PCDH15: variants seen among roughly 807,000 people sequenced by gnomAD.
PCDH15 encodes protocadherin-15.
In PCDH15, 129 loss-of-function variants were observed where a neutral mutation model predicts 178.5. That is an observed-to-expected ratio of 0.72 (90% CI 0.63 to 0.84). The LOEUF (loss-of-function observed/expected upper bound fraction) is 0.84, where lower values mean the gene tolerates loss of function less well. PCDH15 is among the 40% of genes least tolerant of loss of function. The probability of loss-of-function intolerance (pLI) is 0.00; values close to 1 mark genes in which losing one functional copy is unlikely to be tolerated. For synonymous variants in PCDH15, 800 were observed against 732.0 expected (o/e 1.09, Z -1.50); for missense variants, 2,230 against 2,099.9 (o/e 1.06, Z -1.21).
intron 25 of PCDH15, among the ~76,000 whole-genome samples, chr10:53,922,875 C>G (rs946792922): frequency 1.3e-5 from 2 of 151,972 alleles, no homozygotes; most frequent in Non-Finnish European, 2.9e-5. Flanking sequence ...ATCACGAGGT[C>G]GGGAGATCGA....
intron 1 of PCDH15, among the ~76,000 whole-genome samples, chr10:54,792,211 A>G (rs1951484627): frequency 1.3e-5 from 2 of 151,966 alleles, no homozygotes. Context: ...GTCTAAAAAC[A>G]GAAAAAGTTT....
chr10:54,520,669 A>G (rs2082754800), intron 3 of PCDH15, among the ~76,000 whole-genome samples: 4 of 151,582 alleles, frequency 2.6e-5, no homozygotes, highest in Admixed American at 1.3e-4. Context: ...TTCCTCAGGG[A>G]TCTAGAACTA....
intron 3 of PCDH15, among the ~76,000 whole-genome samples, chr10:54,816,681 T>C (rs554363728): frequency 6.6e-6 from 1 of 152,238 alleles, no homozygotes; most frequent in South Asian, 2.1e-4. Context: ...TAAATAAATT[T>C]GAATGTTTCA....
chr10:55,214,442 C>G (rs758535668), intron 1 of PCDH15, among the ~76,000 whole-genome samples: 1 of 151,630 alleles, frequency 6.6e-6, no homozygotes, highest in Non-Finnish European at 1.5e-5. Context: ...TATTTAGACA[C>G]GCACAAGTTT....
intron 2 of PCDH15, among the ~76,000 whole-genome samples, chr10:54,626,698 A>G (rs960069113): frequency 6.6e-6 from 1 of 152,090 alleles, no homozygotes; most frequent in African/African-American, 2.4e-5. Flanking sequence ...GCAGAAGGGA[A>G]ATGTGGGGTT....
At chr10:53,820,412 T>C (rs922585474) in intron 32 of PCDH15, among the ~76,000 whole-genome samples, 182 bp from the exon 33 acceptor site, 1 of 152,026 alleles carries the variant, frequency 6.6e-6, no homozygotes, top group Admixed American at 6.6e-5. Flanking sequence ...TGAAGAAATA[T>C]GAGGGATGAA....
At chr10:54,996,508 G>A (rs944009160) in intron 2 of PCDH15, among the ~76,000 whole-genome samples, 5 of 152,212 alleles carry the variant, frequency 3.3e-5, no homozygotes, top group African/African-American at 7.2e-5. Context: ...ATGTAGTCAC[G>A]GGAGGTCAGT....
intron 3 of PCDH15, among the ~76,000 whole-genome samples, chr10:54,871,366 C>T (rs1954036939): frequency 6.8e-6 from 1 of 147,060 alleles, no homozygotes; most frequent in Non-Finnish European, 1.5e-5. Context: ...TTATGTATTC[C>T]AAGTCTCAGA....
At chr10:55,570,691 A>G (rs575506424) in intron 2 of PCDH15, among the ~76,000 whole-genome samples, 3 of 152,184 alleles carry the variant, frequency 2.0e-5, no homozygotes, top group African/African-American at 7.2e-5. Flanking sequence ...TGCAGGATTT[A>G]CTATGAGATA....
intron 2 of PCDH15, among the ~76,000 whole-genome samples, chr10:54,924,376 G>T (rs2131846710): frequency 7.3e-6 from 1 of 137,880 alleles, no homozygotes; most frequent in African/African-American, 2.5e-5. Context: ...CCACATCTTT[G>T]CTATTGTGCA....
chr10:55,173,706 G>A (rs1045235679), intron 1 of PCDH15, among the ~76,000 whole-genome samples: 8 of 151,944 alleles, frequency 5.3e-5, no homozygotes, highest in African/African-American at 1.7e-4. Context: ...CCTTTTCTTA[G>A]TTTGTAGTAT....
Position 54,232,930 on chromosome 10 carries a change from T to A in PCDH15, c.985+3893A>T, listed in dbSNP as rs189002235. 1.1e-3 allele frequency among the ~76,000 whole-genome samples: 159 copies of A among 148,524 alleles called. 5 individuals are homozygous for A. In the East Asian group the frequency reaches 0.029, roughly 27 times the overall value. The stretch of plus-strand genomic sequence containing the variant: ...GTGTTGTTTAGCTTTCTTTCTTTTT[T>A]TTTTTTTTTTTTTTTAAAGAGAGTC... On this transcript the variant is annotated intron_variant, in intron 9 of 37. Transcript: ENST00000644397.
chr10:53,930,002 T>A (rs1263149827), intron 25 of PCDH15, among the ~76,000 whole-genome samples: 1 of 152,178 alleles, frequency 6.6e-6, no homozygotes, highest in Non-Finnish European at 1.5e-5. Context: ...AATATTAACA[T>A]AAGCTTCTAT....
intron 20 of PCDH15, among the ~76,000 whole-genome samples, chr10:54,017,258 C>CA (rs752352136): frequency 6.6e-6 from 1 of 152,092 alleles, no homozygotes; most frequent in Non-Finnish European, 1.5e-5. Flanking sequence ...CTCCTGACCT[C>CA]AGGTGATCCA....
chr10:54,489,614 G>A (rs1359863028), intron 3 of PCDH15, among the ~76,000 whole-genome samples: 4 of 152,096 alleles, frequency 2.6e-5, no homozygotes, highest in Middle Eastern at 6.8e-3. Context: ...CACACATACA[G>A]GCATACATTA....
intron 3 of PCDH15, among the ~76,000 whole-genome samples, chr10:54,887,316 G>A (rs1954376958): frequency 6.6e-6 from 1 of 152,234 alleles, no homozygotes; most frequent in African/African-American, 2.4e-5. Flanking sequence ...ATGATGAAGA[G>A]ATGCCTTTTG....
intron 26 of PCDH15, among the ~76,000 whole-genome samples, chr10:53,887,023 T>C (rs1421054450): frequency 1.3e-5 from 2 of 152,178 alleles, no homozygotes; most frequent in African/African-American, 4.8e-5. Flanking sequence ...TTGGCATGAT[T>C]ATGCAATTTT....
At chr10:54,274,037 A>G (rs971288734) in intron 8 of PCDH15, among the ~76,000 whole-genome samples, 14 of 152,094 alleles carry the variant, frequency 9.2e-5, no homozygotes, top group Admixed American at 8.5e-4. Flanking sequence ...CCACAGGAAA[A>G]GAAGACCAAA....
intron 2 of PCDH15, chr10:54,528,503 G>A (rs1275505687): frequency 2.3e-6 from 2 of 869,338 alleles, no homozygotes; most frequent in Non-Finnish European, 3.5e-6. Flanking sequence ...GAGATTTAAG[G>A]ATATAAAAAG....
Sources: gnomAD v4.1 joint callset for allele counts (sites outside exome capture counted in the v4.1 genomes callset) on GRCh38, gnomAD v4.1.1 for gene constraint, MANE v1.5 for transcripts, NCBI Gene and HGNC (gene_info 2026-07-23, HGNC 2026-07-21) for gene names.